The following MYO16 variants were observed in gnomAD, a reference collection of about 807,000 sequenced individuals.
The protein encoded by MYO16 is myosin XVI, also known as unconventional myosin-XVI.
MYO16 carries 94 observed loss-of-function variants against 205.3 expected under a neutral mutation model. The observed-to-expected ratio is 0.46, with a 90% CI of 0.39 to 0.54. The LOEUF is 0.54. Ranked by LOEUF, MYO16 falls within the 20% of genes least tolerant of loss-of-function variation. The probability of loss-of-function intolerance (pLI) is 0.00; values close to 1 mark genes in which losing one functional copy is unlikely to be tolerated. For missense variants in MYO16, 2,315 were observed against 2,387.5 expected (o/e 0.97, Z 0.63); for synonymous variants, 988 against 954.0 (o/e 1.04, Z -0.66).
chr13:108,638,446 C>T (rs1880356340), intron 1 of MYO16, among the ~76,000 whole-genome samples: 1 of 152,166 alleles, frequency 6.6e-6, no homozygotes, highest in East Asian at 1.9e-4. Context: ...TACCTTTCCA[C>T]TCAAATATAG....
At chr13:108,561,900 G>C in the MYO16 span, among the ~76,000 whole-genome samples, 11 of 152,268 alleles carry the variant, frequency 7.2e-5, no homozygotes, top group African/African-American at 2.6e-4. Context: ...GGAATCTCAG[G>C]AGACAAGGAG....
the MYO16 span, among the ~76,000 whole-genome samples, chr13:108,548,045 A>G: frequency 2.0e-5 from 3 of 152,234 alleles, no homozygotes; most frequent in African/African-American, 4.8e-5. Context: ...ATGCCCTAAC[A>G]TATCTGAGTC....
intron 2 of MYO16, among the ~76,000 whole-genome samples, chr13:108,688,501 A>C (rs1882768851): frequency 6.6e-6 from 1 of 152,144 alleles, no homozygotes; most frequent in African/African-American, 2.4e-5. Context: ...CCTATTCTCC[A>C]GGTTCTTTAT....
intron 31 of MYO16, among the ~76,000 whole-genome samples, chr13:109,132,137 G>A (rs756950501): frequency 6.6e-6 from 1 of 152,230 alleles, no homozygotes; most frequent in African/African-American, 2.4e-5. Context: ...TGTGGGACTT[G>A]CAATTAAGTC....
In MYO16 at chr13:109,140,768, C is replaced by A; in HGVS notation, c.4556C>A (p.Pro1519Gln). ...PHRPPLLVFP[P>Q]TPVTCSPASD... ...CGGCCGCCCCTGCTGGTGTTCCCCC[C>A]GACCCCCGTCACCTGCTCCCCCGCC... The change falls in exon 32 of 35, where the codon CCG becomes CAG. Residue 1519 changes from proline to glutamine, a missense_variant. Physicochemically the swap from Pro to Gln is moderately conservative, Grantham distance 76. Transcript: ENST00000457511. The surrounding 1 kb of genome is among the most constrained non-coding windows in gnomAD (Gnocchi z 8.0). 2 of 1,558,676 alleles carry A rather than the reference C, an allele frequency of 1.3e-6. No homozygotes were observed. Among genetic ancestry groups the A allele is most frequent in the Non-Finnish European group, 1.7e-6 (2 of 1,154,918 alleles).
chr13:108,852,667 C>G (rs1329359102), intron 10 of MYO16, among the ~76,000 whole-genome samples: 1 of 152,152 alleles, frequency 6.6e-6, no homozygotes, highest in Non-Finnish European at 1.5e-5. Flanking sequence ...CCGCATCCCT[C>G]CCGCCAACAG....
chr13:108,887,094 T>C (rs554660789), intron 13 of MYO16, among the ~76,000 whole-genome samples: 26 of 152,262 alleles, frequency 1.7e-4, no homozygotes, highest in African/African-American at 5.5e-4. Context: ...TTACAAAGGG[T>C]AATTTAAGAT....
At chr13:108,614,255 G>A (rs1161308683) in intron 1 of MYO16, among the ~76,000 whole-genome samples, 1 of 151,970 alleles carries the variant, frequency 6.6e-6, no homozygotes, top group South Asian at 2.1e-4. Context: ...AAGTGCTTAG[G>A]GATAAATTAA....
intron 16 of MYO16, among the ~76,000 whole-genome samples, chr13:108,927,417 A>AG (rs1036381844): frequency 6.6e-6 from 1 of 152,048 alleles, no homozygotes; most frequent in African/African-American, 2.4e-5. Context: ...CTGGGGCATG[A>AG]GCCAGGCACT....
chr13:108,879,388 G>T (rs1879491253), intron 12 of MYO16, among the ~76,000 whole-genome samples: 1 of 152,020 alleles, frequency 6.6e-6, no homozygotes, highest in Non-Finnish European at 1.5e-5. Flanking sequence ...TATACTTTAA[G>T]TTCTAGGGTA....
intron 22 of MYO16, among the ~76,000 whole-genome samples, chr13:109,018,603 T>G (rs1180241059): frequency 6.6e-6 from 1 of 152,202 alleles, no homozygotes; most frequent in African/African-American, 2.4e-5. Context: ...AGCAAGGCTC[T>G]GTAGGCATTG....
At chr13:109,099,557 C>G (rs1192322782) in intron 27 of MYO16, among the ~76,000 whole-genome samples, 1 of 152,144 alleles carries the variant, frequency 6.6e-6, no homozygotes, top group Non-Finnish European at 1.5e-5. Flanking sequence ...TGTCAAAGGC[C>G]CCACCTCTTA....
chr13:108,755,284 G>A (rs534720378), intron 4 of MYO16, among the ~76,000 whole-genome samples: 56 of 152,080 alleles, frequency 3.7e-4, no homozygotes, highest in African/African-American at 1.1e-3. Context: ...TGAGCCCAGG[G>A]GACTCATGCA....
chr13:108,890,910 A>G (rs985771443), intron 14 of MYO16, among the ~76,000 whole-genome samples: 1 of 152,088 alleles, frequency 6.6e-6, no homozygotes, highest in Admixed American at 6.5e-5. Flanking sequence ...GCCACCTTTG[A>G]GCATGTATCT....
At chr13:108,957,841 C>T (rs752935861) in intron 17 of MYO16, 42 bp downstream of exon 17, 2 of 1,432,680 alleles carry the variant, frequency 1.4e-6, no homozygotes, top group Non-Finnish European at 2.0e-6. Context: ...AATCAACCTT[C>T]TACTAATTTA....
intron 2 of MYO16, among the ~76,000 whole-genome samples, chr13:108,670,049 C>T (rs969711437): frequency 7.9e-5 from 12 of 152,052 alleles, no homozygotes; most frequent in African/African-American, 2.4e-4. Context: ...ATGTAACAAA[C>T]GTGCACTTTC....
At chr13:108,651,100 T>TC (rs1271832297) in intron 1 of MYO16, among the ~76,000 whole-genome samples, 1 of 152,174 alleles carries the variant, frequency 6.6e-6, no homozygotes, top group Non-Finnish European at 1.5e-5. Context: ...TGCAGTTGGT[T>TC]CCCAGGGCAG....
chr13:109,195,441 A>C (rs2139955863), intron 34 of MYO16, among the ~76,000 whole-genome samples: 1 of 152,182 alleles, frequency 6.6e-6, no homozygotes, highest in African/African-American at 2.4e-5. Flanking sequence ...GATATATGTA[A>C]GCTTTTAATC....
At chr13:109,097,883 A>G (rs534310190) in intron 27 of MYO16, among the ~76,000 whole-genome samples, 10 of 152,338 alleles carry the variant, frequency 6.6e-5, no homozygotes, top group Middle Eastern at 6.8e-3. Flanking sequence ...CAAGATGATG[A>G]GGATTCTCAA....
Sources: allele counts gnomAD v4.1 joint callset (sites outside exome capture counted in the v4.1 genomes callset), GRCh38; gene constraint gnomAD v4.1.1; non-coding constraint Gnocchi (gnomAD v3.1); transcripts MANE v1.5; gene names NCBI Gene and HGNC (gene_info 2026-07-23, HGNC 2026-07-21).